HIKESHI: variants seen among roughly 807,000 people sequenced by gnomAD.
HIKESHI encodes heat shock protein nuclear import factor hikeshi, also known as protein Hikeshi.
A neutral mutation model predicts 25.7 loss-of-function variants in HIKESHI; 13 were observed. The observed-to-expected ratio is 0.51, with a 90% CI of 0.33 to 0.80. HIKESHI has a LOEUF of 0.80. HIKESHI is among the 30% of genes least tolerant of loss of function. HIKESHI has a pLI of 0.02. For missense variants in HIKESHI, 174 were observed against 229.5 expected, an observed-to-expected ratio of 0.76 and a Z score of 1.56; for synonymous variants, 76 against 78.7, an observed-to-expected ratio of 0.97 and a Z score of 0.18.
chr11:86,307,914 G>A (rs1946696996), intron 2 of HIKESHI, among the ~76,000 whole-genome samples: 1 of 119,312 alleles, frequency 8.4e-6, no homozygotes, highest in Admixed American at 1.0e-4. Context: ...TATATATTAT[G>A]TGTAATATAT....
At chr11:86,318,918 T>A (rs1264715744) in intron 2 of HIKESHI, among the ~76,000 whole-genome samples, 3 of 152,088 alleles carry the variant, frequency 2.0e-5, no homozygotes, top group Non-Finnish European at 4.4e-5. Context: ...AAGATAATTT[T>A]TTGTTTGTTT....
At chr11:86,326,683 T>G in intron 2 of HIKESHI, 1 of 356,782 alleles carries the variant, frequency 2.8e-6, no homozygotes. Flanking sequence ...ATGAGTAAGA[T>G]TTGGATGGGA....
chr11:86,336,264 G>A (rs752662824), intron 2 of HIKESHI, among the ~76,000 whole-genome samples: 4 of 152,192 alleles, frequency 2.6e-5, no homozygotes, highest in Non-Finnish European at 5.9e-5. Context: ...ACAGTGTAAT[G>A]AGAGTAACAT....
rs1488918086 is a variant in HIKESHI at position 86,345,592 on chromosome 11, A to C, written c.548A>C (p.Asn183Thr). ...TGTGTTTTCTTTTCTAGGTATGAAA[A>C]CTTTCAAAGACGACTAGCACAGAAC... ...PANVVLKWYE[N>T]FQRRLAQNPL... The change falls in exon 5 of 5, where the codon AAC (asparagine) becomes ACC (threonine). Residue 183 changes from asparagine to threonine, a missense_variant. Transcript: ENST00000278483. 1 of 1,544,744 alleles carries C rather than the reference A, an allele frequency of 6.5e-7. No homozygotes were observed. Among genetic ancestry groups the C allele is most frequent in the Non-Finnish European group, 8.8e-7 (1 of 1,132,224 alleles).
intron 1 of HIKESHI, chr11:86,303,335 A>G (rs947605810): frequency 3.6e-6 from 3 of 831,330 alleles, no homozygotes; most frequent in African/African-American, 3.7e-5. Context: ...TTGATAATGT[A>G]TTGTATTCTG....
At chr11:86,303,033 T>C (rs928622586) in intron 1 of HIKESHI, among the ~76,000 whole-genome samples, 2 of 152,130 alleles carry the variant, frequency 1.3e-5, no homozygotes, top group African/African-American at 4.8e-5. Flanking sequence ...GGCTGAAACT[T>C]AACGTGTGAG....
chr11:86,319,242 A>ATTTTTTTTTTTT (rs1218981419), intron 2 of HIKESHI, among the ~76,000 whole-genome samples: 6 of 94,952 alleles, frequency 6.3e-5, no homozygotes, highest in Non-Finnish European at 7.5e-5. Flanking sequence ...ATATATATAT[A>ATTTTTTTTTTTT]TTTTTTTTTT....
At chr11:86,336,308 C>T (rs893857517) in intron 2 of HIKESHI, among the ~76,000 whole-genome samples, 1 of 152,238 alleles carries the variant, frequency 6.6e-6, no homozygotes, top group South Asian at 2.1e-4. Context: ...AGAATATTTG[C>T]TCTGGTCTGA....
intron 1 of HIKESHI, chr11:86,303,481 T>A: frequency 1.2e-6 from 1 of 830,628 alleles, no homozygotes; most frequent in Non-Finnish European, 1.5e-6. Flanking sequence ...TTTGCCCTGC[T>A]CTTAATAGGG....
At chr11:86,340,674 C>G (rs982878348) in intron 3 of HIKESHI, among the ~76,000 whole-genome samples, 31 of 152,112 alleles carry the variant, frequency 2.0e-4, no homozygotes, top group African/African-American at 7.5e-4. Context: ...GAGATGGAGT[C>G]TCACTCTGTT....
rs1048962022 is a variant in HIKESHI at position 86,308,535 on chromosome 11, T to G, written c.268+2053T>G. Among the ~76,000 whole-genome samples the G allele has an allele frequency of 3.0e-4, 43 of 145,180 alleles. No homozygotes were observed. The East Asian group carries it at 8.3e-3, about 28-fold the overall frequency. On this transcript the variant is annotated intron_variant, in intron 2 of 4. Transcript: ENST00000278483. ...TGCCAATGTTCTTCTTTTGGTTCTG[T>G]TGACATTGCAGAGCCATAATTCTTT...
intron 4 of HIKESHI, 130 bp downstream of exon 4, chr11:86,344,851 A>C: frequency 1.5e-6 from 1 of 682,464 alleles, no homozygotes; most frequent in South Asian, 1.9e-5. Flanking sequence ...GCATGCCATT[A>C]AAGTATGTAC....
intron 2 of HIKESHI, among the ~76,000 whole-genome samples, chr11:86,335,667 T>G (rs1455516894): frequency 6.6e-6 from 1 of 152,206 alleles, no homozygotes; most frequent in Non-Finnish European, 1.5e-5. Context: ...GAAATTTCTT[T>G]CTAATCACTA....
chr11:86,303,818 A>G (rs1565716173), intron 1 of HIKESHI, among the ~76,000 whole-genome samples: 1 of 152,010 alleles, frequency 6.6e-6, no homozygotes, highest in Non-Finnish European at 1.5e-5. Flanking sequence ...ATTTCTTAAG[A>G]TTTTTTTTCT....
chr11:86,344,807 T>A (rs776330874), intron 4 of HIKESHI, 86 bp downstream of exon 4: 35 of 932,716 alleles, frequency 3.8e-5, no homozygotes, highest in South Asian at 2.9e-4. Context: ...TTTTTGACAT[T>A]TAAACATATT....
chr11:86,333,782 G>GA (rs367720229), intron 2 of HIKESHI, among the ~76,000 whole-genome samples: 265 of 148,558 alleles, frequency 1.8e-3, no homozygotes, highest in Admixed American at 2.8e-3. Context: ...GTATAGGAAT[G>GA]AAAAAAAAAA....
chr11:86,307,834 TATAA>T (rs551806260), intron 2 of HIKESHI, among the ~76,000 whole-genome samples: 55 of 119,192 alleles, frequency 4.6e-4, no homozygotes, highest in African/African-American at 1.7e-3. Flanking sequence ...ATATACATTA[TATAA>T]ATATATATTA....
chr11:86,320,388 G>A (rs1947116606), intron 2 of HIKESHI, among the ~76,000 whole-genome samples: 1 of 152,146 alleles, frequency 6.6e-6, no homozygotes, highest in Non-Finnish European at 1.5e-5. Flanking sequence ...GACCAGCCTG[G>A]CTAACGTGGT....
At chr11:86,316,767 CATTCTTTTTTTTTTTTTTTTTTTT>C (rs1374008966) in intron 2 of HIKESHI, among the ~76,000 whole-genome samples, 25 of 92,922 alleles carry the variant, frequency 2.7e-4, no homozygotes, top group African/African-American at 9.6e-4. Flanking sequence ...GAATCTGAAA[CATTCTTTTTTTTTTTTTTTTTTTT>C]TTTTTTTTTT....
Sources: allele counts gnomAD v4.1 joint callset (sites outside exome capture counted in the v4.1 genomes callset), GRCh38; gene constraint gnomAD v4.1.1; transcripts MANE v1.5; gene names NCBI Gene and HGNC (gene_info 2026-07-23, HGNC 2026-07-21).